Variants in NPAS3 observed in about 807,000 individuals in gnomAD.
NPAS3 encodes neuronal PAS domain-containing protein 3.
A neutral mutation model predicts 73.1 loss-of-function variants in NPAS3; 14 were observed. That is an observed-to-expected ratio of 0.19 (90% CI 0.13 to 0.30). The LOEUF (loss-of-function observed/expected upper bound fraction) is 0.30, where lower values mean the gene tolerates loss of function less well. Ranked by LOEUF, NPAS3 falls within the 10% of genes least tolerant of loss-of-function variation. The pLI is 1.00. For missense variants in NPAS3, 1,096 were observed against 1,250.0 expected, an observed-to-expected ratio of 0.88 and a Z score of 1.86; for synonymous variants, 620 against 541.5, an observed-to-expected ratio of 1.14 and a Z score of -2.01.
chr14:33,392,183 A>G (rs1290051257), intron 4 of NPAS3, among the ~76,000 whole-genome samples: 2 of 152,196 alleles, frequency 1.3e-5, no homozygotes, highest in African/African-American at 4.8e-5. Context: ...CTTTTTATAG[A>G]CATAAAATGT....
chr14:33,622,552 G>A (rs2058105702), intron 5 of NPAS3, among the ~76,000 whole-genome samples: 1 of 152,136 alleles, frequency 6.6e-6, no homozygotes, highest in African/African-American at 2.4e-5. Flanking sequence ...CTACAGATTT[G>A]ACAGATCTTA....
At chr14:33,345,970 T>C (rs577033938) in intron 3 of NPAS3, among the ~76,000 whole-genome samples, 1 of 152,230 alleles carries the variant, frequency 6.6e-6, no homozygotes, top group South Asian at 2.1e-4. Flanking sequence ...CGGTGGTTCA[T>C]GCCTGTAATC....
intron 5 of NPAS3, among the ~76,000 whole-genome samples, chr14:33,562,037 C>T (rs1595158860): frequency 2.0e-5 from 3 of 152,124 alleles, no homozygotes; most frequent in East Asian, 1.9e-4. Context: ...GGGTTTTGGC[C>T]ATTTCAGTCA....
chr14:33,130,272 T>TC (rs1469270862), intron 2 of NPAS3, among the ~76,000 whole-genome samples: 8 of 152,060 alleles, frequency 5.3e-5, no homozygotes, highest in Non-Finnish European at 1.5e-5. Context: ...TAAGTTACTC[T>TC]CCCCCCTTAT....
intron 4 of NPAS3, among the ~76,000 whole-genome samples, chr14:33,416,847 A>G (rs911225823): frequency 1.4e-4 from 22 of 151,908 alleles, no homozygotes; most frequent in Admixed American, 8.5e-4. Context: ...ATTTCTTCTG[A>G]GCATTAATTT....
intron 2 of NPAS3, among the ~76,000 whole-genome samples, chr14:33,060,031 C>A (rs928904384): frequency 1.3e-5 from 2 of 152,186 alleles, no homozygotes; most frequent in Non-Finnish European, 2.9e-5. Flanking sequence ...CATCCTCCCA[C>A]CTCAGCCTCT....
intron 2 of NPAS3, among the ~76,000 whole-genome samples, chr14:33,109,983 T>C (rs1486047942): frequency 1.3e-5 from 2 of 151,868 alleles, no homozygotes; most frequent in East Asian, 3.9e-4. Flanking sequence ...TACAAGCAGA[T>C]GAACATTTAA....
At chr14:33,756,382 A>T (rs1440726517) in intron 7 of NPAS3, among the ~76,000 whole-genome samples, 1 of 152,172 alleles carries the variant, frequency 6.6e-6, no homozygotes, top group Non-Finnish European at 1.5e-5. Flanking sequence ...GAATCTTACT[A>T]ATATGTTTTC....
chr14:33,263,650 C>A lies in NPAS3; in HGVS notation c.385+48224C>A, dbSNP rs560668407. On this transcript the variant is annotated intron_variant, in intron 3 of 11. Coordinates refer to ENST00000356141, the Ensembl canonical transcript of NPAS3. ...ACTTTAAAGTAGTTTTTTTCCAATT[C>A]TGTGAAGAAAGTCATTGGTAGCTTG... is the stretch of plus-strand genomic sequence containing the variant. 5.5e-3 allele frequency among the ~76,000 whole-genome samples: 842 copies of A among 152,132 alleles called. 6 individuals carry two copies. The highest frequency in any genetic ancestry group is 0.019 in the African/African-American group (782 of 41,484).
At chr14:33,666,111 G>A (rs988746110) in intron 5 of NPAS3, among the ~76,000 whole-genome samples, 9 of 152,094 alleles carry the variant, frequency 5.9e-5, no homozygotes, top group Non-Finnish European at 8.8e-5. Flanking sequence ...AAAAGGAAGG[G>A]GAAAACGGTT....
intron 5 of NPAS3, among the ~76,000 whole-genome samples, chr14:33,582,493 T>C (rs2056704757): frequency 6.6e-6 from 1 of 152,236 alleles, no homozygotes; most frequent in Non-Finnish European, 1.5e-5. Flanking sequence ...ACCATGTTTA[T>C]CTTCTTAGGT....
At chr14:33,475,717 T>C (rs1002138947) in intron 4 of NPAS3, among the ~76,000 whole-genome samples, 13 of 151,938 alleles carry the variant, frequency 8.6e-5, no homozygotes, top group African/African-American at 2.2e-4. Context: ...GTTTGGAGAG[T>C]TGGGGTTAAA....
chr14:33,745,845 T>A (rs2061774588), intron 7 of NPAS3, among the ~76,000 whole-genome samples: 1 of 152,226 alleles, frequency 6.6e-6, no homozygotes, highest in Non-Finnish European at 1.5e-5. Context: ...CTGAAATACG[T>A]CATCTGTTCC....
chr14:33,406,056 A>C (rs565288439), intron 4 of NPAS3, among the ~76,000 whole-genome samples: 1 of 152,158 alleles, frequency 6.6e-6, no homozygotes, highest in Non-Finnish European at 1.5e-5. Context: ...TAAGCAATGA[A>C]GAAGAAAAAC....
chr14:33,600,356 A>G (rs1207794773), intron 5 of NPAS3, among the ~76,000 whole-genome samples: 1 of 152,194 alleles, frequency 6.6e-6, no homozygotes, highest in Non-Finnish European at 1.5e-5. Flanking sequence ...CTGATTAAAT[A>G]TTCTCTTTAT....
intron 4 of NPAS3, among the ~76,000 whole-genome samples, chr14:33,458,704 A>G (rs938914799): frequency 2.0e-5 from 3 of 152,202 alleles, no homozygotes; most frequent in African/African-American, 4.8e-5. Context: ...GCTTTGTGTT[A>G]TATGAAAAAG....
intron 7 of NPAS3, among the ~76,000 whole-genome samples, chr14:33,753,500 T>C (rs951508789): frequency 1.6e-4 from 24 of 152,186 alleles, no homozygotes; most frequent in South Asian, 6.2e-4. Context: ...CCAGTTCAGA[T>C]TGATTCTGCA....
intron 2 of NPAS3, among the ~76,000 whole-genome samples, chr14:33,189,551 A>G (rs1038371180): frequency 1.3e-5 from 2 of 152,210 alleles, no homozygotes; most frequent in Non-Finnish European, 2.9e-5. Flanking sequence ...AATACCTTAG[A>G]ACACAAAAGA....
intron 6 of NPAS3, among the ~76,000 whole-genome samples, chr14:33,689,328 G>C (rs2060171746): frequency 6.6e-6 from 1 of 152,178 alleles, no homozygotes; most frequent in South Asian, 2.1e-4. Flanking sequence ...AGTATAATGA[G>C]TTTAATACAT....
Sources: gnomAD v4.1 joint callset for allele counts (sites outside exome capture counted in the v4.1 genomes callset) on GRCh38, gnomAD v4.1.1 for gene constraint, MANE v1.5 for transcripts, NCBI Gene and HGNC (gene_info 2026-07-23, HGNC 2026-07-21) for gene names.